TBXAS1: variants seen among roughly 807,000 people sequenced by gnomAD.
The protein encoded by TBXAS1 is thromboxane-A synthase.
A neutral mutation model predicts 60.7 loss-of-function variants in TBXAS1; 48 were observed. The observed-to-expected ratio is 0.79, with a 90% CI of 0.63 to 1.01. TBXAS1 has a LOEUF of 1.01. Ranked by LOEUF, TBXAS1 falls within the 50% of genes least tolerant of loss-of-function variation. TBXAS1 has a pLI of 0.00. For missense variants in TBXAS1, 685 were observed against 686.3 expected, an observed-to-expected ratio of 1.00 and a Z score of 0.02; for synonymous variants, 287 against 269.7, an observed-to-expected ratio of 1.06 and a Z score of -0.63.
At chr7:140,018,749 G>A (rs182147052) in intron 12 of TBXAS1, among the ~76,000 whole-genome samples, 2 of 152,348 alleles carry the variant, frequency 1.3e-5, no homozygotes, top group Admixed American at 6.5e-5. Flanking sequence ...TGCAGGCTTC[G>A]TGATGGCAGG....
intron 9 of TBXAS1, among the ~76,000 whole-genome samples, chr7:139,963,819 G>T (rs1810556395): frequency 6.6e-6 from 1 of 152,214 alleles, no homozygotes; most frequent in African/African-American, 2.4e-5. Context: ...CTCAGGAATA[G>T]ATGTGGCTCC....
intron 9 of TBXAS1, among the ~76,000 whole-genome samples, chr7:139,966,344 C>G (rs1265067625): frequency 6.6e-6 from 1 of 152,164 alleles, no homozygotes; most frequent in Non-Finnish European, 1.5e-5. Flanking sequence ...CTTCTGTGGA[C>G]AGTGATAAAA....
intron 3 of TBXAS1, among the ~76,000 whole-genome samples, chr7:139,900,515 G>A (rs1287313508): frequency 6.6e-6 from 1 of 152,160 alleles, no homozygotes; most frequent in African/African-American, 2.4e-5. Context: ...AATGGCACTG[G>A]GAATTCACAA....
At chr7:139,957,339 CT>C (rs1809944136) in intron 7 of TBXAS1, among the ~76,000 whole-genome samples, 1 of 152,056 alleles carries the variant, frequency 6.6e-6, no homozygotes, top group African/African-American at 2.4e-5. Flanking sequence ...TCCCCAGGAC[CT>C]GAAACATTAA....
At chr7:139,864,895 A>G (rs1214977118) in intron 1 of TBXAS1, among the ~76,000 whole-genome samples, 2 of 152,216 alleles carry the variant, frequency 1.3e-5, no homozygotes, top group African/African-American at 2.4e-5. Flanking sequence ...AATCTGGCTC[A>G]ACACACCCTC....
chr7:139,986,443 T>G (rs1419294044), intron 9 of TBXAS1, among the ~76,000 whole-genome samples: 1 of 152,038 alleles, frequency 6.6e-6, no homozygotes, highest in Non-Finnish European at 1.5e-5. Context: ...GGGTGATTTG[T>G]GAGATTTTGG....
chr7:139,871,541 A>G (rs1801824568), intron 1 of TBXAS1, among the ~76,000 whole-genome samples: 1 of 152,204 alleles, frequency 6.6e-6, no homozygotes, highest in Admixed American at 6.5e-5. Context: ...GCCACACTGC[A>G]CTTCTCAGAC....
intron 4 of TBXAS1, among the ~76,000 whole-genome samples, chr7:139,806,597 A>C (rs1011423632): frequency 3.9e-5 from 6 of 151,978 alleles, no homozygotes; most frequent in Non-Finnish European, 7.4e-5. Context: ...AGTTTCTAGG[A>C]GCTGGGGATT....
chr7:139,905,037 TTC>T (rs1491188774), intron 3 of TBXAS1, among the ~76,000 whole-genome samples: 11 of 87,740 alleles, frequency 1.3e-4, no homozygotes, highest in African/African-American at 6.7e-4. Flanking sequence ...CTTTCTTTCT[TTC>T]TTTCTTTCTT....
chr7:139,895,865 C>T (rs775965126), intron 3 of TBXAS1, among the ~76,000 whole-genome samples: 1 of 152,184 alleles, frequency 6.6e-6, no homozygotes, highest in Non-Finnish European at 1.5e-5. Context: ...CAACAGGGCA[C>T]CTCTGCAGGG....
In TBXAS1 at chr7:139,955,471, T is replaced by G; in HGVS notation, c.552T>G (p.Asn184Lys). 6.2e-7 allele frequency: 1 copy of G among 1,614,190 alleles called. No homozygotes were observed. ...DAFDIQRCYC[N>K]YTTDVVASVA... ...CCATCTCCCGTAGGTGCTACTGCAA[T>G]TACACCACAGATGTGGTTGCCAGCG... The change falls in exon 7 of 13, where the codon AAT becomes AAG. Residue 184 changes from asparagine (N) to lysine (K), a missense_variant. Transcript: ENST00000448866.
intron 9 of TBXAS1, among the ~76,000 whole-genome samples, chr7:139,991,413 G>A (rs1395022955): frequency 6.6e-6 from 1 of 150,746 alleles, no homozygotes; most frequent in Non-Finnish European, 1.5e-5. Flanking sequence ...CAGGGACTGT[G>A]CATCACCCGT....
At chr7:139,826,704 G>C (rs1168095352), upstream of TBXAS1, among the ~76,000 whole-genome samples, 1 of 152,124 alleles carries the variant, frequency 6.6e-6, no homozygotes, top group Non-Finnish European at 1.5e-5. Flanking sequence ...GTGTGTATGA[G>C]GATTAAATGA....
At chr7:139,981,455 T>C (rs1025478014) in intron 9 of TBXAS1, among the ~76,000 whole-genome samples, 1 of 152,216 alleles carries the variant, frequency 6.6e-6, no homozygotes, top group Non-Finnish European at 1.5e-5. Flanking sequence ...CGGTGGACAT[T>C]AGCTGTGCTG....
intron 1 of TBXAS1, among the ~76,000 whole-genome samples, chr7:139,837,244 T>C (rs1416456881): frequency 1.3e-5 from 2 of 152,216 alleles, no homozygotes; most frequent in Non-Finnish European, 2.9e-5. Flanking sequence ...TGGAAAACAG[T>C]GTAGGGATTC....
chr7:139,869,366 G>A (rs1375005648), intron 1 of TBXAS1, among the ~76,000 whole-genome samples: 3 of 151,930 alleles, frequency 2.0e-5, no homozygotes, highest in African/African-American at 7.2e-5. Flanking sequence ...GGATTGAGGG[G>A]CCCCTGTACT....
At chr7:139,876,200 A>G (rs919661904) in intron 3 of TBXAS1, among the ~76,000 whole-genome samples, 11 of 152,196 alleles carry the variant, frequency 7.2e-5, no homozygotes, top group Admixed American at 7.2e-4. Context: ...ATGCTGGGGC[A>G]TATGGTCACC....
At chr7:139,882,380 C>T (rs1343257291) in intron 3 of TBXAS1, among the ~76,000 whole-genome samples, 1 of 152,196 alleles carries the variant, frequency 6.6e-6, no homozygotes, top group Non-Finnish European at 1.5e-5. Flanking sequence ...TTAAATTGGG[C>T]AGCTGACACC....
intron 1 of TBXAS1, among the ~76,000 whole-genome samples, chr7:139,837,728 T>C (rs553559807): frequency 5.9e-5 from 9 of 152,172 alleles, no homozygotes; most frequent in African/African-American, 2.2e-4. Context: ...ATTTGGGTGA[T>C]GGGTGCACCA....
Sources: gnomAD v4.1 joint callset for allele counts (sites outside exome capture counted in the v4.1 genomes callset) on GRCh38, gnomAD v4.1.1 for gene constraint, MANE v1.5 for transcripts, NCBI Gene and HGNC (gene_info 2026-07-23, HGNC 2026-07-21) for gene names.